CNTN5: variants seen among roughly 807,000 people sequenced by gnomAD.
CNTN5 encodes the protein contactin 5, also known as contactin-5.
CNTN5 carries 77 observed loss-of-function variants against 129.1 expected under a neutral mutation model. That is an observed-to-expected ratio of 0.60 (90% confidence interval 0.50 to 0.72). CNTN5 has a LOEUF of 0.72. Ranked by LOEUF, CNTN5 falls within the 30% of genes least tolerant of loss-of-function variation. CNTN5 has a pLI of 0.00. For synonymous variants in CNTN5, 509 were observed against 465.6 expected, an observed-to-expected ratio of 1.09 and a Z score of -1.20; for missense variants, 1,478 against 1,328.8, an observed-to-expected ratio of 1.11 and a Z score of -1.75.
chr11:99,190,629 A>G (rs941473717), intron 1 of CNTN5, among the ~76,000 whole-genome samples: 2 of 151,102 alleles, frequency 1.3e-5, no homozygotes, highest in Admixed American at 6.6e-5. Context: ...ATGCCTGAGT[A>G]TTTGATTTTT....
chr11:100,210,061 A>C (rs1345607233), intron 15 of CNTN5, among the ~76,000 whole-genome samples: 1 of 151,782 alleles, frequency 6.6e-6, no homozygotes, highest in East Asian at 1.9e-4. Flanking sequence ...TCCAGCCTGC[A>C]CACATGGTTC....
intron 3 of CNTN5, among the ~76,000 whole-genome samples, chr11:99,624,475 G>A (rs569839855): frequency 3.9e-5 from 6 of 151,978 alleles, no homozygotes; most frequent in Non-Finnish European, 8.8e-5. Context: ...TGAGTTTCTA[G>A]GTAAGTGTTA....
chr11:99,258,070 A>T (rs1328736495), intron 1 of CNTN5, among the ~76,000 whole-genome samples: 1 of 152,056 alleles, frequency 6.6e-6, no homozygotes. Context: ...ATTCTCGCGG[A>T]GTTTTGAAAC....
At chr11:99,996,741 T>C (rs1054158155) in intron 8 of CNTN5, among the ~76,000 whole-genome samples, 1 of 152,138 alleles carries the variant, frequency 6.6e-6, no homozygotes. Context: ...CTCAGGAAAC[T>C]TACAATCATG....
intron 3 of CNTN5, among the ~76,000 whole-genome samples, chr11:99,729,416 C>A (rs181236732): frequency 1.7e-4 from 26 of 152,212 alleles, no homozygotes; most frequent in African/African-American, 5.8e-4. Context: ...AAGCCTAGTA[C>A]CCAATAGTTA....
chr11:99,329,365 A>G (rs1312538018), intron 2 of CNTN5, among the ~76,000 whole-genome samples: 1 of 152,168 alleles, frequency 6.6e-6, no homozygotes, highest in East Asian at 1.9e-4. Context: ...AAATGTTAAC[A>G]TTTATTTAAT....
chr11:99,354,891 A>T (rs537218095), intron 2 of CNTN5, among the ~76,000 whole-genome samples: 1 of 152,298 alleles, frequency 6.6e-6, no homozygotes, highest in East Asian at 1.9e-4. Flanking sequence ...GAAAATTCAC[A>T]ATCTACAGTT....
intron 1 of CNTN5, among the ~76,000 whole-genome samples, chr11:99,208,788 AT>A (rs1859615041): frequency 6.6e-6 from 1 of 152,140 alleles, no homozygotes; most frequent in Non-Finnish European, 1.5e-5. Flanking sequence ...AGCTTTTAAA[AT>A]TTTTGACTTT....
At chr11:99,458,929 G>A (rs1944591016) in intron 2 of CNTN5, among the ~76,000 whole-genome samples, 1 of 152,022 alleles carries the variant, frequency 6.6e-6, no homozygotes, top group Non-Finnish European at 1.5e-5. Flanking sequence ...GAAGTAGAGT[G>A]TGTAAGACAG....
At chr11:100,038,099 G>A (rs1311739370) in intron 9 of CNTN5, among the ~76,000 whole-genome samples, 1 of 151,738 alleles carries the variant, frequency 6.6e-6, no homozygotes, top group African/African-American at 2.4e-5. Context: ...TCTTTTGTGG[G>A]CATTTAGTGC....
intron 9 of CNTN5, among the ~76,000 whole-genome samples, chr11:100,013,852 CAT>C (rs1272036059): frequency 6.6e-6 from 1 of 152,142 alleles, no homozygotes. Context: ...CATTCTATCT[CAT>C]ATGTTTTATG....
At chr11:99,893,083 T>G (rs904011114) in intron 6 of CNTN5, among the ~76,000 whole-genome samples, 1 of 150,662 alleles carries the variant, frequency 6.6e-6, no homozygotes, top group Non-Finnish European at 1.5e-5. Context: ...GATTGAGGAC[T>G]GAGATCAACA....
chr11:100,074,340 A>T (rs1182965999), intron 13 of CNTN5, 46 bp downstream of exon 13: 1 of 1,476,078 alleles, frequency 6.8e-7, no homozygotes, highest in East Asian at 2.4e-5. Context: ...GACTTTTTTG[A>T]GGTTACAGGT....
rs199715710 is a variant in CNTN5 at position 99,056,442 on chromosome 11, AAC to A, written c.-210+35176_-210+35177del. On this transcript the variant is annotated intron_variant, in intron 1 of 24. Transcript: ENST00000524871. ...GCTAAATGGAAACTAGACAGCTGGA[AAC>A]ACAGCCATGTACATATCAATAGAAC... Among the ~76,000 whole-genome samples, 936 of 152,154 alleles carry A rather than the reference AAC, an allele frequency of 6.2e-3. 5 individuals carry two copies. Among genetic ancestry groups the A allele is most frequent in the Non-Finnish European group, 7.9e-3 (537 of 67,956 alleles).
intron 1 of CNTN5, among the ~76,000 whole-genome samples, chr11:99,036,305 AT>A (rs1013781298): frequency 1.1e-4 from 16 of 151,328 alleles, no homozygotes; most frequent in African/African-American, 3.6e-4. Context: ...TACACATCAG[AT>A]TTTTTTTTCC....
chr11:99,982,170 A>G lies in CNTN5; in HGVS notation c.878-19864A>G, dbSNP rs78153840. On this transcript the variant is annotated intron_variant, in intron 8 of 24. Transcript: ENST00000524871. ...CTAATGAACTTCAAACGAATGACTA[A>G]AGCTATTTAGAAGATAGTCTGAACA... 3.9e-3 allele frequency among the ~76,000 whole-genome samples: 599 copies of G among 152,286 alleles called. 2 individuals carry two copies. The highest frequency in any genetic ancestry group is 0.014 in the African/African-American group (568 of 41,558).
chr11:100,087,228 C>T (rs1382869940), intron 13 of CNTN5, among the ~76,000 whole-genome samples: 2 of 151,250 alleles, frequency 1.3e-5, no homozygotes, highest in Admixed American at 1.3e-4. Context: ...AATTAAATGA[C>T]AAAAAATTGG....
At chr11:100,303,628 T>C (rs1321521592) in intron 20 of CNTN5, among the ~76,000 whole-genome samples, 2 of 151,562 alleles carry the variant, frequency 1.3e-5, no homozygotes, top group African/African-American at 2.4e-5. Context: ...TGTAAAAAAA[T>C]GTCCTGCTCA....
At chr11:99,155,075 G>A (rs1278189548) in intron 1 of CNTN5, among the ~76,000 whole-genome samples, 3 of 152,104 alleles carry the variant, frequency 2.0e-5, no homozygotes, top group Non-Finnish European at 4.4e-5. Context: ...CAGGATCCAT[G>A]AGGTTCATTG....
Sources: allele counts gnomAD v4.1 joint callset (sites outside exome capture counted in the v4.1 genomes callset), GRCh38; gene constraint gnomAD v4.1.1; transcripts MANE v1.5; gene names NCBI Gene and HGNC (gene_info 2026-07-23, HGNC 2026-07-21).